Variants in TNFRSF21 observed in about 807,000 individuals in gnomAD.
TNFRSF21 encodes tumor necrosis factor receptor superfamily member 21.
A neutral mutation model predicts 45.6 loss-of-function variants in TNFRSF21; 19 were observed. That is an observed-to-expected ratio of 0.42 (90% CI 0.29 to 0.61). The LOEUF (loss-of-function observed/expected upper bound fraction) is 0.61. Among genes scored for constraint, TNFRSF21 ranks in the 20% least tolerant of loss-of-function variants. The pLI, the probability that TNFRSF21 is intolerant of heterozygous loss-of-function variation, is 0.23. For missense variants in TNFRSF21, 737 were observed against 851.5 expected (o/e 0.87, Z 1.67); for synonymous variants, 314 against 335.5 (o/e 0.94, Z 0.70).
At chr6:47,292,109 C>T (rs1288704082) in intron 1 of TNFRSF21, among the ~76,000 whole-genome samples, 1 of 152,020 alleles carries the variant, frequency 6.6e-6, no homozygotes, top group Non-Finnish European at 1.5e-5. Context: ...GTGAGGTGGA[C>T]CCCATTCAAA....
At chr6:47,257,364 G>A (rs1765003132) in intron 3 of TNFRSF21, among the ~76,000 whole-genome samples, 1 of 152,150 alleles carries the variant, frequency 6.6e-6, no homozygotes, top group African/African-American at 2.4e-5. Context: ...TGAAAACATG[G>A]AGTCAACTCC....
intron 1 of TNFRSF21, among the ~76,000 whole-genome samples, chr6:47,295,740 C>T (rs1002284626): frequency 1.3e-5 from 2 of 151,918 alleles, no homozygotes; most frequent in Non-Finnish European, 2.9e-5. Flanking sequence ...TTCCACAAAT[C>T]ACAGACAGAA....
intron 3 of TNFRSF21, among the ~76,000 whole-genome samples, chr6:47,256,394 T>C (rs1318823889): frequency 1.3e-5 from 2 of 152,138 alleles, no homozygotes; most frequent in African/African-American, 4.8e-5. Context: ...TGTGGTGGCA[T>C]AGGCCTATAT....
intron 1 of TNFRSF21, among the ~76,000 whole-genome samples, chr6:47,294,537 C>A (rs1229186117): frequency 6.6e-6 from 1 of 152,206 alleles, no homozygotes; most frequent in Non-Finnish European, 1.5e-5. Flanking sequence ...TTATACCCTT[C>A]AGTACAAGGG....
In TNFRSF21 at chr6:47,309,550, G is replaced by T; in HGVS notation, c.-39C>A. ...ACTCGCAGGGGCGCCCGGGGCGCGC[G>T]GGGCAGCTGGAATCGGCGGCTGCTT... is the stretch of plus-strand genomic sequence containing the variant. On this transcript the variant is annotated 5_prime_UTR_variant, in exon 1 of 6. Coordinates refer to ENST00000296861, the MANE Select transcript of TNFRSF21 (RefSeq NM_014452.5). The T allele has an allele frequency of 1.4e-6, 2 of 1,396,700 alleles. No individual in the cohort carries two copies. Among genetic ancestry groups the T allele is most frequent in the Non-Finnish European group, 1.8e-6 (2 of 1,085,054 alleles). 86.5% of individuals were successfully genotyped at this position (1,396,700 alleles called of 1,614,324 possible).
chr6:47,232,677 C>G lies in TNFRSF21; in HGVS notation c.*88G>C, dbSNP rs900859630. 18 of 1,204,712 alleles carry G rather than the reference C, an allele frequency of 1.5e-5. No individual in the cohort carries two copies. The African/African-American group carries it at 2.6e-4, about 18-fold the overall frequency. The allele number at this position is 1,204,712 out of a possible 1,614,324, so 74.6% of individuals were successfully genotyped here. On this transcript the variant is annotated 3_prime_UTR_variant, in exon 6 of 6. Coordinates refer to ENST00000296861, the MANE Select transcript of TNFRSF21 (RefSeq NM_014452.5). ...CACACACAAACACACACACACACCCCAAACAACAAAAATCAGAAACAGAAG... is the reference window on the plus strand; with the variant it reads ...CACACACAAACACACACACACACCCGAAACAACAAAAATCAGAAACAGAAG...
At chr6:47,244,323 CAAAAAAAAAA>C (rs764763953) in intron 4 of TNFRSF21, among the ~76,000 whole-genome samples, 5 of 76,052 alleles carry the variant, frequency 6.6e-5, no homozygotes, top group Admixed American at 1.4e-4. Flanking sequence ...GACTCCGTCT[CAAAAAAAAAA>C]AAAAAAAAAA....
chr6:47,258,611 G>A (rs1373130348), intron 3 of TNFRSF21, among the ~76,000 whole-genome samples: 1 of 151,882 alleles, frequency 6.6e-6, no homozygotes, highest in African/African-American at 2.4e-5. Flanking sequence ...GCTAATTTTT[G>A]TATTTTTAGT....
intron 3 of TNFRSF21, among the ~76,000 whole-genome samples, chr6:47,281,391 T>C (rs2113862252): frequency 6.6e-6 from 1 of 151,356 alleles, no homozygotes; most frequent in East Asian, 1.9e-4. Context: ...GTGATTTTTT[T>C]TTTTTTTGAG....
chr6:47,303,484 A>T (rs985356062), intron 1 of TNFRSF21, among the ~76,000 whole-genome samples: 8 of 152,176 alleles, frequency 5.3e-5, no homozygotes, highest in African/African-American at 1.9e-4. Flanking sequence ...TCATCTCCAA[A>T]GCCAGGATAC....
intron 1 of TNFRSF21, among the ~76,000 whole-genome samples, chr6:47,295,074 A>G (rs536760575): frequency 2.6e-5 from 4 of 152,372 alleles, no homozygotes; most frequent in Admixed American, 1.3e-4. Context: ...AGGTAAACCC[A>G]GAACAACACA....
chr6:47,260,785 C>A (rs532174697), intron 3 of TNFRSF21, among the ~76,000 whole-genome samples: 4 of 152,166 alleles, frequency 2.6e-5, no homozygotes, highest in Admixed American at 6.5e-5. Context: ...AGGCTTCGTG[C>A]AGAATGGGTG....
intron 3 of TNFRSF21, among the ~76,000 whole-genome samples, chr6:47,265,613 T>C (rs190247464): frequency 2.2e-4 from 33 of 152,306 alleles, no homozygotes; most frequent in African/African-American, 7.7e-4. Context: ...AGTGGCCTTC[T>C]GTATAGGGTT....
intron 1 of TNFRSF21, among the ~76,000 whole-genome samples, chr6:47,294,438 G>A (rs561740297): frequency 3.2e-4 from 48 of 152,290 alleles, no homozygotes; most frequent in African/African-American, 9.4e-4. Context: ...CAACGCGCCC[G>A]GCTGCGCACA....
At chr6:47,262,517 G>A (rs576578197) in intron 3 of TNFRSF21, among the ~76,000 whole-genome samples, 8 of 152,310 alleles carry the variant, frequency 5.3e-5, no homozygotes, top group Non-Finnish European at 1.0e-4. Context: ...ATTCCATTGG[G>A]GGGAAGTAAT....
intron 3 of TNFRSF21, among the ~76,000 whole-genome samples, chr6:47,260,236 C>T (rs968548706): frequency 7.3e-5 from 11 of 151,386 alleles, no homozygotes; most frequent in Non-Finnish European, 1.5e-4. Context: ...GAACCTCACA[C>T]GTACATGTTA....
rs147383644 is a variant in TNFRSF21, at chr6:47,253,406, T to A, written c.1359A>T (p.Thr453=). ...CTGCGTAGGCCCGCTCGTGGTCGGCTGTGTACCCATTGGAGAAAGCAGCAA... is the reference window on the plus strand; with the variant it reads ...CTGCGTAGGCCCGCTCGTGGTCGGCAGTGTACCCATTGGAGAAAGCAGCAA... ...REVAAFSNGY[T]ADHERAYAAL... is the part of the protein sequence containing the mutation. The change falls in exon 4 of 6, where the codon ACA becomes ACT. Residue 453 remains threonine, a synonymous_variant. Transcript: ENST00000296861. 30 of 1,614,170 alleles carry A rather than the reference T, an allele frequency of 1.9e-5. No homozygotes were observed. The African/African-American group carries it at 4.0e-4, about 22-fold the overall frequency.
chr6:47,301,121 C>G (rs1320074118), intron 1 of TNFRSF21, among the ~76,000 whole-genome samples: 2 of 152,238 alleles, frequency 1.3e-5, no homozygotes. Context: ...AATAACTCAT[C>G]TATCCTTCAG....
intron 3 of TNFRSF21, among the ~76,000 whole-genome samples, 173 bp downstream of exon 3, chr6:47,283,765 A>G (rs1184093458): frequency 6.6e-6 from 1 of 152,216 alleles, no homozygotes. Context: ...CTCTGAATGC[A>G]TTACTTCTAA....
Sources: gnomAD v4.1 joint callset for allele counts (sites outside exome capture counted in the v4.1 genomes callset) on GRCh38, gnomAD v4.1.1 for gene constraint, MANE v1.5 for transcripts, NCBI Gene and HGNC (gene_info 2026-07-23, HGNC 2026-07-21) for gene names.